The following KCNH8 variants were observed in gnomAD, a reference collection of about 807,000 sequenced individuals.
KCNH8 encodes voltage-gated delayed rectifier potassium channel KCNH8.
Under a neutral mutation model 103.6 loss-of-function variants are expected in KCNH8, and 70 were observed. The observed-to-expected ratio is 0.68, with a 90% CI of 0.56 to 0.82. The LOEUF is 0.82. KCNH8 is among the 40% of genes least tolerant of loss of function. KCNH8 has a pLI of 0.00. For synonymous variants in KCNH8, 498 were observed against 489.4 expected (o/e 1.02, Z -0.23); for missense variants, 1,217 against 1,329.9 (o/e 0.92, Z 1.32).
intron 10 of KCNH8, among the ~76,000 whole-genome samples, chr3:19,454,144 CTGTGTGTGTGTGTGTGTGTGTGTG>C (rs372400109): frequency 9.9e-5 from 13 of 131,608 alleles, no homozygotes; most frequent in Admixed American, 3.8e-4. Flanking sequence ...AGTAAGGCTT[CTGTGTGTGTGTGTGTGTGTGTGTG>C]TGTGTGTGTG....
intron 1 of KCNH8, among the ~76,000 whole-genome samples, chr3:19,214,175 C>G (rs1316813093): frequency 6.6e-6 from 1 of 152,224 alleles, no homozygotes; most frequent in Non-Finnish European, 1.5e-5. Context: ...GGGAGCTGAA[C>G]TGCACTTTCT....
At chr3:19,489,628 G>C (rs2068278291) in intron 11 of KCNH8, among the ~76,000 whole-genome samples, 2 of 151,982 alleles carry the variant, frequency 1.3e-5, no homozygotes, top group Non-Finnish European at 2.9e-5. Context: ...CTTAAATCCT[G>C]TTTTGAAATT....
intron 7 of KCNH8, among the ~76,000 whole-genome samples, chr3:19,432,079 C>T (rs1471656069): frequency 6.6e-6 from 1 of 151,712 alleles, no homozygotes; most frequent in African/African-American, 2.4e-5. Flanking sequence ...CAATACAAAG[C>T]TAAGGTAAAC....
intron 11 of KCNH8, among the ~76,000 whole-genome samples, chr3:19,501,940 G>C (rs60644249): frequency 0.59 from 89,680 of 151,714 alleles, 26,666 homozygotes; most frequent in Middle Eastern, 0.67. Flanking sequence ...ATTAGGAGAA[G>C]GAAATAAAGG....
intron 3 of KCNH8, among the ~76,000 whole-genome samples, chr3:19,298,573 TC>T (rs2065023918): frequency 6.6e-6 from 1 of 152,088 alleles, no homozygotes; most frequent in Non-Finnish European, 1.5e-5. Flanking sequence ...GATACAGAAT[TC>T]TTAAAGTTGC....
At chr3:19,365,383 T>C (rs554902400) in intron 5 of KCNH8, among the ~76,000 whole-genome samples, 47 of 152,254 alleles carry the variant, frequency 3.1e-4, no homozygotes, top group African/African-American at 1.0e-3. Context: ...ACTTGGGGAA[T>C]ATTTTTTCTC....
At chr3:19,170,651 CACATATATACACACAT>C (rs1259420459) in intron 1 of KCNH8, among the ~76,000 whole-genome samples, 1 of 139,302 alleles carries the variant, frequency 7.2e-6, no homozygotes, top group African/African-American at 3.0e-5. Context: ...TATATACACA[CACATATATACACACAT>C]ATATATACAC....
intron 4 of KCNH8, among the ~76,000 whole-genome samples, chr3:19,346,071 T>C (rs1248936284): frequency 6.6e-6 from 1 of 152,042 alleles, no homozygotes; most frequent in Non-Finnish European, 1.5e-5. Context: ...TAGAAAAAAC[T>C]TATGTGGATA....
chr3:19,240,847 G>A (rs2064131331), intron 1 of KCNH8, among the ~76,000 whole-genome samples: 1 of 151,936 alleles, frequency 6.6e-6, no homozygotes, highest in East Asian at 1.9e-4. Flanking sequence ...TCCAACTGCA[G>A]TGGAATCCAT....
At chr3:19,267,535 G>C (rs893782801) in intron 2 of KCNH8, among the ~76,000 whole-genome samples, 2 of 152,042 alleles carry the variant, frequency 1.3e-5, no homozygotes, top group African/African-American at 4.8e-5. Context: ...CATTTCTAGT[G>C]GGTTAGAATG....
intron 3 of KCNH8, among the ~76,000 whole-genome samples, chr3:19,323,982 C>T (rs1436876365): frequency 6.6e-5 from 10 of 152,170 alleles, no homozygotes; most frequent in Admixed American, 6.5e-4. Context: ...ATTGGTTGGC[C>T]TTCAGCCAGG....
chr3:19,462,796 T>A (rs1336971789), intron 11 of KCNH8, among the ~76,000 whole-genome samples: 2 of 152,208 alleles, frequency 1.3e-5, no homozygotes, highest in African/African-American at 4.8e-5. Flanking sequence ...AAGTCTTTAA[T>A]CCATCTTGAA....
chr3:19,360,016 A>G (rs1440924699), intron 5 of KCNH8, among the ~76,000 whole-genome samples: 2 of 152,070 alleles, frequency 1.3e-5, no homozygotes, highest in Non-Finnish European at 2.9e-5. Flanking sequence ...TAAAAAACAT[A>G]CATATAAGAG....
At chr3:19,176,757 A>G (rs2063403705) in intron 1 of KCNH8, among the ~76,000 whole-genome samples, 1 of 152,074 alleles carries the variant, frequency 6.6e-6, no homozygotes, top group Non-Finnish European at 1.5e-5. Flanking sequence ...TGTATATGAT[A>G]TACAGTTGAT....
At chr3:19,297,437 A>T (rs2065010734) in intron 3 of KCNH8, among the ~76,000 whole-genome samples, 1 of 152,228 alleles carries the variant, frequency 6.6e-6, no homozygotes, top group African/African-American at 2.4e-5. Context: ...TACATAAATT[A>T]TAGGATAAGT....
chr3:19,428,363 T>C (rs1018337555), intron 7 of KCNH8, among the ~76,000 whole-genome samples: 1 of 152,196 alleles, frequency 6.6e-6, no homozygotes, highest in African/African-American at 2.4e-5. Flanking sequence ...ATGGAAAGTG[T>C]CATTTGTAAA....
At chr3:19,525,943 G>C (rs1205973820) in intron 15 of KCNH8, among the ~76,000 whole-genome samples, 2 of 151,886 alleles carry the variant, frequency 1.3e-5, no homozygotes, top group African/African-American at 4.8e-5. Context: ...CACTTGTTCT[G>C]AATGCTTTGT....
intron 3 of KCNH8, among the ~76,000 whole-genome samples, chr3:19,326,187 G>T (rs569692695): frequency 6.6e-6 from 1 of 151,786 alleles, no homozygotes; most frequent in African/African-American, 2.4e-5. Context: ...CCTATAGGAG[G>T]GTAGAGGATG....
intron 7 of KCNH8, among the ~76,000 whole-genome samples, chr3:19,421,790 T>C (rs2066955056): frequency 6.6e-6 from 1 of 152,102 alleles, no homozygotes; most frequent in Non-Finnish European, 1.5e-5. Context: ...TTAATTTTAT[T>C]TTTTATTATT....
Sources: allele counts gnomAD v4.1 joint callset (sites outside exome capture counted in the v4.1 genomes callset), GRCh38; gene constraint gnomAD v4.1.1; transcripts MANE v1.5; gene names NCBI Gene and HGNC (gene_info 2026-07-23, HGNC 2026-07-21).